Variants in NCK1 observed in about 807,000 individuals in gnomAD.
NCK1 encodes the protein NCK adaptor protein 1.
A neutral mutation model predicts 36.6 loss-of-function variants in NCK1; 19 were observed. That is an observed-to-expected ratio of 0.52 (90% CI 0.36 to 0.76). The LOEUF (loss-of-function observed/expected upper bound fraction) is 0.76, where lower values mean the gene tolerates loss of function less well. Among genes scored for constraint, NCK1 ranks in the 30% least tolerant of loss-of-function variants. The pLI is 0.00. For synonymous variants in NCK1, 165 were observed against 156.0 expected, an observed-to-expected ratio of 1.06 and a Z score of -0.43; for missense variants, 358 against 445.6, an observed-to-expected ratio of 0.80 and a Z score of 1.77.
At chr3:136,918,998 G>T (rs1047034128) in intron 1 of NCK1, among the ~76,000 whole-genome samples, 2 of 152,072 alleles carry the variant, frequency 1.3e-5, no homozygotes, top group South Asian at 2.1e-4. Context: ...ATAAATGATG[G>T]TTCGTCCGTA....
chr3:136,944,783 TA>T (rs757583152), intron 2 of NCK1, among the ~76,000 whole-genome samples: 2 of 152,202 alleles, frequency 1.3e-5, no homozygotes, highest in Non-Finnish European at 2.9e-5. Flanking sequence ...AAGTAGAGCA[TA>T]AAATCACACG....
Position 136,949,332 on chromosome 3 carries a change from A to G in NCK1, c.*879A>G, listed in dbSNP as rs1471581767. ...GCCAAGTTTTGCAAAAACAGGAAGCAGTGAGATACTTGTTTTTTTCTCCTC... is the reference window on the plus strand; with the variant it reads ...GCCAAGTTTTGCAAAAACAGGAAGCGGTGAGATACTTGTTTTTTTCTCCTC... On this transcript the variant is annotated 3_prime_UTR_variant, in exon 4 of 4. Transcript: ENST00000481752. 6.6e-6 allele frequency: 1 copy of G among 152,016 alleles called. No homozygotes were observed. The highest frequency in any genetic ancestry group is 1.5e-5 in the Non-Finnish European group (1 of 67,888). The allele number at this position is 152,016 out of a possible 1,614,324, so 9.4% of individuals were successfully genotyped here.
chr3:136,867,167 TC>T (rs1938466111), intron 1 of NCK1, among the ~76,000 whole-genome samples: 1 of 59,360 alleles, frequency 1.7e-5, no homozygotes, highest in Admixed American at 2.1e-4. Context: ...CTTCCTTCCT[TC>T]CTTCCTTCCT....
chr3:136,899,744 A>T, intron 1 of NCK1: 1 of 1,050,486 alleles, frequency 9.5e-7, no homozygotes, highest in East Asian at 2.4e-5. Flanking sequence ...TACTATTGCC[A>T]TGTTTTTCAA....
chr3:136,936,293 G>A lies in NCK1; in HGVS notation c.226+8066G>A, dbSNP rs138662831. On this transcript the variant is annotated intron_variant, in intron 2 of 3. Transcript: ENST00000481752. The stretch of plus-strand genomic sequence containing the variant: ...TTACCTCAAGTCATCTGCCCGCCTC[G>A]GCCTCCCAAAGTGCTGGGATTACAG... Among the ~76,000 whole-genome samples, 52 of 152,092 alleles carry A rather than the reference G, an allele frequency of 3.4e-4. 1 individual carries two copies. In the East Asian group the frequency reaches 9.3e-3, roughly 27 times the overall value.
intron 1 of NCK1, among the ~76,000 whole-genome samples, chr3:136,920,222 G>C (rs191332728): frequency 7.8e-4 from 118 of 152,116 alleles, no homozygotes; most frequent in Admixed American, 7.9e-4. Context: ...AGAAATAAAG[G>C]CTACTTAAAA....
intron 1 of NCK1, among the ~76,000 whole-genome samples, chr3:136,885,394 C>T (rs1014492119): frequency 6.6e-6 from 1 of 152,112 alleles, no homozygotes; most frequent in African/African-American, 2.4e-5. Context: ...GTCACCTAGG[C>T]TGGAGTACAG....
chr3:136,925,512 C>T (rs1397548473), intron 1 of NCK1, among the ~76,000 whole-genome samples: 3 of 152,120 alleles, frequency 2.0e-5, no homozygotes, highest in Non-Finnish European at 4.4e-5. Context: ...GTCATACTTA[C>T]TTCCCTCCTG....
intron 2 of NCK1, among the ~76,000 whole-genome samples, chr3:136,941,250 C>T (rs549068816): frequency 4.0e-5 from 6 of 151,288 alleles, no homozygotes; most frequent in Non-Finnish European, 7.4e-5. Context: ...GTCAGCCTCT[C>T]GAGTAGCTGG....
chr3:136,937,643 A>G (rs548800547), intron 2 of NCK1, among the ~76,000 whole-genome samples: 8 of 152,196 alleles, frequency 5.3e-5, no homozygotes, highest in Non-Finnish European at 1.0e-4. Context: ...AGTGTTTAGT[A>G]TATGAGTCTG....
At chr3:136,921,317 A>G (rs145260273) in intron 1 of NCK1, among the ~76,000 whole-genome samples, 2 of 152,364 alleles carry the variant, frequency 1.3e-5, no homozygotes, top group African/African-American at 2.4e-5. Flanking sequence ...AACTCAGGAA[A>G]CAACTAGAGG....
chr3:136,908,083 A>T (rs543578817), intron 1 of NCK1, among the ~76,000 whole-genome samples: 1 of 152,326 alleles, frequency 6.6e-6, no homozygotes, highest in Non-Finnish European at 1.5e-5. Flanking sequence ...TTACCATTCA[A>T]AAGTACTTCA....
intron 1 of NCK1, among the ~76,000 whole-genome samples, chr3:136,873,871 A>G (rs1460824971): frequency 6.6e-6 from 1 of 152,234 alleles, no homozygotes; most frequent in Non-Finnish European, 1.5e-5. Context: ...CTCTCCAGCC[A>G]CATGGAACTG....
chr3:136,930,998 C>A (rs1434191230), intron 2 of NCK1, among the ~76,000 whole-genome samples: 1 of 150,192 alleles, frequency 6.7e-6, no homozygotes, highest in African/African-American at 2.4e-5. Flanking sequence ...TTTTTAACTA[C>A]TTTTTGCTTA....
chr3:136,892,165 G>A (rs1939263857), intron 1 of NCK1, among the ~76,000 whole-genome samples: 1 of 152,146 alleles, frequency 6.6e-6, no homozygotes, highest in African/African-American at 2.4e-5. Context: ...TGGGATTATA[G>A]GTGTGAGTCA....
chr3:136,881,376 C>T (rs915109248), intron 1 of NCK1, among the ~76,000 whole-genome samples: 15 of 152,164 alleles, frequency 9.9e-5, no homozygotes, highest in South Asian at 2.1e-4. Flanking sequence ...CACGCCACTA[C>T]GCCCGGCTAA....
intron 1 of NCK1, among the ~76,000 whole-genome samples, chr3:136,871,259 G>A (rs1206896785): frequency 1.3e-5 from 2 of 151,920 alleles, no homozygotes; most frequent in African/African-American, 4.8e-5. Flanking sequence ...AATTAGCCAG[G>A]TTTGGCTGTG....
intron 1 of NCK1, among the ~76,000 whole-genome samples, chr3:136,881,230 T>A (rs1938924127): frequency 6.6e-6 from 1 of 152,046 alleles, no homozygotes; most frequent in Admixed American, 6.6e-5. Flanking sequence ...TTTTATTTAA[T>A]TTTTTTTGAG....
intron 1 of NCK1, among the ~76,000 whole-genome samples, chr3:136,862,700 T>C (rs1938266498): frequency 6.6e-6 from 1 of 152,192 alleles, no homozygotes; most frequent in South Asian, 2.1e-4. Flanking sequence ...CTTGTCTGTT[T>C]TCTCATGAAA....
Sources: gnomAD v4.1 joint callset for allele counts (sites outside exome capture counted in the v4.1 genomes callset) on GRCh38, gnomAD v4.1.1 for gene constraint, MANE v1.5 for transcripts, NCBI Gene and HGNC (gene_info 2026-07-23, HGNC 2026-07-21) for gene names.